The following ARHGAP6 variants were observed in gnomAD, a reference collection of about 807,000 sequenced individuals.
The protein encoded by ARHGAP6 is Rho GTPase activating protein 6, also known as rho GTPase-activating protein 6.
ARHGAP6 carries 16 observed loss-of-function variants against 55.7 expected under a neutral mutation model. That is an observed-to-expected ratio of 0.29 (90% CI 0.19 to 0.44). The LOEUF (loss-of-function observed/expected upper bound fraction) is 0.44. ARHGAP6 is among the 20% of genes least tolerant of loss of function. The probability of loss-of-function intolerance (pLI) is 1.00; values close to 1 mark genes in which losing one functional copy is unlikely to be tolerated. For missense variants in ARHGAP6, 698 were observed against 808.9 expected, an observed-to-expected ratio of 0.86 and a Z score of 1.66; for synonymous variants, 382 against 360.9, an observed-to-expected ratio of 1.06 and a Z score of -0.66.
At chrX:11,438,431 T>C (rs2050009415) in intron 1 of ARHGAP6, among the ~76,000 whole-genome samples, 1 of 112,677 alleles carries the variant, frequency 8.9e-6, no homozygotes, top group South Asian at 3.7e-4. Context: ...TAACACTTTT[T>C]TGGTGGTGAT....
intron 1 of ARHGAP6, among the ~76,000 whole-genome samples, chrX:11,446,036 A>G (rs2050089036): frequency 8.9e-6 from 1 of 111,882 alleles, no homozygotes; most frequent in Admixed American, 9.5e-5. Context: ...CAGAGGGTAC[A>G]GAAGTTAGTG....
At chrX:11,333,793 G>C (rs1407414125) in intron 1 of ARHGAP6, among the ~76,000 whole-genome samples, 1 of 112,052 alleles carries the variant, frequency 8.9e-6, no homozygotes, top group Non-Finnish European at 1.9e-5. Flanking sequence ...CAAACTTGAG[G>C]CTGACTGTTA....
At position 11,254,688 on chromosome X, in the gene ARHGAP6, C is replaced by T; in HGVS notation, c.608G>A (p.Ser203Asn). Residue 203 changes from serine to asparagine, a missense_variant, in exon 2 of 13, where the codon AGC becomes AAC. Ser to Asn is a conservative substitution (Grantham distance 46). Coordinates refer to ENST00000337414, the MANE Select transcript of ARHGAP6 (RefSeq NM_013427.3). ...WKSEGDFTWNSMSGRSVRLRS... is the reference protein window; with the variant it reads ...WKSEGDFTWNNMSGRSVRLRS... ...CAGCCGTACACTGCGGCCTGACATGCTGTTCCAGGTGAAATCACCCTGTAG... is the reference window on the plus strand; with the variant it reads ...CAGCCGTACACTGCGGCCTGACATGTTGTTCCAGGTGAAATCACCCTGTAG... 2 of 1,154,334 alleles carry T rather than the reference C, an allele frequency of 1.7e-6. No homozygotes were observed. Among genetic ancestry groups the T allele is most frequent in the South Asian group, 4.0e-5 (2 of 50,178 alleles).
intron 1 of ARHGAP6, among the ~76,000 whole-genome samples, chrX:11,300,282 A>G (rs567839235): frequency 2.7e-5 from 3 of 111,908 alleles, no homozygotes; most frequent in African/African-American, 9.7e-5. Flanking sequence ...ATAAACATTG[A>G]TAGTTTCTTA....
chrX:11,423,373 CAT>C (rs1344856826), intron 1 of ARHGAP6, among the ~76,000 whole-genome samples: 1 of 112,822 alleles, frequency 8.9e-6, no homozygotes, highest in East Asian at 2.8e-4. Flanking sequence ...TGGAAACTTT[CAT>C]AGTTTCCATT....
At chrX:11,443,954 C>CA (rs61018477) in intron 1 of ARHGAP6, among the ~76,000 whole-genome samples, 164 of 102,519 alleles carry the variant, frequency 1.6e-3, no homozygotes, top group African/African-American at 4.4e-3. Flanking sequence ...AAAAGAAAAC[C>CA]AAAAAAAAAA....
At chrX:11,296,768 C>T in intron 1 of ARHGAP6, 1 of 1,207,353 alleles carries the variant, frequency 8.3e-7, no homozygotes, top group Non-Finnish European at 1.1e-6. Flanking sequence ...CTCCCCTCCT[C>T]CCTGTAAAAG....
At chrX:11,358,724 C>T (rs1192575880) in intron 1 of ARHGAP6, among the ~76,000 whole-genome samples, 1 of 110,952 alleles carries the variant, frequency 9.0e-6, no homozygotes, top group Non-Finnish European at 1.9e-5. Context: ...TCAGGTGATC[C>T]GTCCACCTTG....
intron 10 of ARHGAP6, among the ~76,000 whole-genome samples, chrX:11,145,671 T>C (rs188005377): frequency 7.8e-4 from 88 of 112,560 alleles, no homozygotes; most frequent in Middle Eastern, 9.1e-3. Context: ...AGCTCCATTC[T>C]GGACCTACTG....
chrX:11,377,941 G>A (rs571482770), intron 1 of ARHGAP6, among the ~76,000 whole-genome samples: 21 of 111,807 alleles, frequency 1.9e-4, no homozygotes, highest in African/African-American at 6.8e-4. Context: ...CAAGCAGCAC[G>A]TCATTGTTAC....
chrX:11,569,297 C>T (rs1003833814), intron 1 of ARHGAP6, among the ~76,000 whole-genome samples: 1 of 110,647 alleles, frequency 9.0e-6, no homozygotes, highest in African/African-American at 3.3e-5. Flanking sequence ...TGTCTGGCCC[C>T]AAATGTCAAT....
chrX:11,298,220 AT>A (rs759477208), intron 1 of ARHGAP6: 4 of 1,211,203 alleles, frequency 3.3e-6, no homozygotes, highest in Non-Finnish European at 4.5e-6. Context: ...GGGTTCTAAT[AT>A]CTTTTTCTCT....
At chrX:11,304,880 A>G (rs1475320338) in intron 1 of ARHGAP6, among the ~76,000 whole-genome samples, 4 of 95,036 alleles carry the variant, frequency 4.2e-5, no homozygotes, top group Non-Finnish European at 8.0e-5. Flanking sequence ...ACCACCTCCC[A>G]AATTCAAGCG....
intron 1 of ARHGAP6, among the ~76,000 whole-genome samples, chrX:11,537,884 A>T (rs1242593091): frequency 3.6e-5 from 4 of 111,696 alleles, no homozygotes; most frequent in Non-Finnish European, 5.7e-5. Context: ...AATGAGAATT[A>T]AAAAACACAA....
At chrX:11,162,229 A>G (rs1469463965) in intron 9 of ARHGAP6, among the ~76,000 whole-genome samples, 1 of 109,999 alleles carries the variant, frequency 9.1e-6, no homozygotes, top group African/African-American at 3.3e-5. Context: ...AATTGATGCA[A>G]TGATGGCTGG....
Position 11,564,559 on chromosome X carries a change from A to G in ARHGAP6, c.588+99682T>C, listed in dbSNP as rs181942315. ...ATTTAATATTAATTCATCTGAACAC[A>G]GTAAAATTTCTTAACAAAACCTAAT... is the stretch of plus-strand genomic sequence containing the variant. On this transcript the variant is annotated intron_variant, in intron 1 of 12. Coordinates refer to ENST00000337414, the MANE Select transcript of ARHGAP6 (RefSeq NM_013427.3). 4.3e-3 allele frequency among the ~76,000 whole-genome samples: 480 copies of G among 111,428 alleles called. 1 individual carries two copies. Among genetic ancestry groups the G allele is most frequent in the African/African-American group, 0.015 (464 of 30,753 alleles).
At chrX:11,412,916 T>C (rs752844545) in intron 1 of ARHGAP6, among the ~76,000 whole-genome samples, 7 of 112,384 alleles carry the variant, frequency 6.2e-5, no homozygotes, top group Non-Finnish European at 1.3e-4. Flanking sequence ...CTGTTTCAAT[T>C]TGGATTGCCA....
chrX:11,586,378 A>T (rs777192266), intron 1 of ARHGAP6, among the ~76,000 whole-genome samples: 1 of 111,614 alleles, frequency 9.0e-6, no homozygotes, highest in Admixed American at 9.5e-5. Flanking sequence ...TACAGTTTCA[A>T]TCTCTGCATA....
intron 1 of ARHGAP6, among the ~76,000 whole-genome samples, chrX:11,280,705 C>T (rs1411917077): frequency 1.0e-5 from 1 of 100,043 alleles, no homozygotes; most frequent in Non-Finnish European, 2.0e-5. Flanking sequence ...ATGATTGTAC[C>T]ACTGCACTCC....
Sources: allele counts gnomAD v4.1 joint callset (sites outside exome capture counted in the v4.1 genomes callset), GRCh38; gene constraint gnomAD v4.1.1; transcripts MANE v1.5; gene names NCBI Gene and HGNC (gene_info 2026-07-23, HGNC 2026-07-21).